Variants in LTBP1 observed in about 807,000 individuals in gnomAD.
The protein encoded by LTBP1 is latent transforming growth factor beta binding protein 1.
LTBP1 carries 129 observed loss-of-function variants against 207.6 expected under a neutral mutation model. The ratio of observed to expected loss-of-function variants is 0.62; its 90% CI spans 0.54 to 0.72. The LOEUF (loss-of-function observed/expected upper bound fraction) is 0.72, where lower values mean the gene tolerates loss of function less well. LTBP1 is among the 30% of genes least tolerant of loss of function. The pLI, the probability that LTBP1 is intolerant of heterozygous loss-of-function variation, is 0.00. For missense variants in LTBP1, 2,281 were observed against 2,217.2 expected, an observed-to-expected ratio of 1.03 and a Z score of -0.58; for synonymous variants, 963 against 833.7, an observed-to-expected ratio of 1.16 and a Z score of -2.67.
chr2:33,385,949 A>G (rs2095261960), intron 31 of LTBP1, among the ~76,000 whole-genome samples: 1 of 152,138 alleles, frequency 6.6e-6, no homozygotes, highest in Non-Finnish European at 1.5e-5. Context: ...AAAGGGCAAC[A>G]CGCTCTAGCA....
intron 5 of LTBP1, among the ~76,000 whole-genome samples, chr2:33,184,355 G>A (rs1394266321): frequency 3.3e-5 from 5 of 152,154 alleles, no homozygotes; most frequent in African/African-American, 7.2e-5. Context: ...CTCCTTCTTC[G>A]AATTTATCAC....
At position 33,320,285 on chromosome 2, in the gene LTBP1, C is replaced by T. The variant is rs553283130; in HGVS notation, c.3730+5016C>T. Among the ~76,000 whole-genome samples, 131 of 151,592 alleles carry T rather than the reference C, an allele frequency of 8.6e-4. 1 individual carries two copies. The highest frequency in any genetic ancestry group is 1.5e-3 in the Non-Finnish European group (104 of 67,982). The stretch of plus-strand genomic sequence containing the variant: ...TCAGGAAGCTGATGCACGTGAATTG[C>T]TTGAACATGGGAACTGGAAGTTGCA... On this transcript the variant is annotated intron_variant, in intron 24 of 33. Transcript: ENST00000404816.
intron 3 of LTBP1, among the ~76,000 whole-genome samples, chr2:33,034,553 T>A (rs1463109047): frequency 5.9e-5 from 9 of 152,208 alleles, no homozygotes; most frequent in African/African-American, 2.2e-4. Context: ...ATGACAGGCC[T>A]GGAAGCATAG....
intron 2 of LTBP1, among the ~76,000 whole-genome samples, chr2:32,949,884 G>GT (rs1156276312): frequency 6.6e-6 from 1 of 152,144 alleles, no homozygotes; most frequent in Non-Finnish European, 1.5e-5. Flanking sequence ...AAACAGAAGG[G>GT]TTTTGGCATA....
intron 26 of LTBP1, among the ~76,000 whole-genome samples, chr2:33,352,244 G>T (rs1198174287): frequency 6.6e-6 from 1 of 152,080 alleles, no homozygotes; most frequent in Non-Finnish European, 1.5e-5. Flanking sequence ...TGATTCTCCT[G>T]CCTCAGCCTC....
intron 3 of LTBP1, among the ~76,000 whole-genome samples, chr2:33,035,821 C>A (rs1370819819): frequency 1.3e-5 from 2 of 152,120 alleles, no homozygotes; most frequent in Non-Finnish European, 2.9e-5. Flanking sequence ...TTACAACACA[C>A]ATATTTTAAA....
Position 33,380,804 on chromosome 2 carries a change from A to G in LTBP1, c.4712-8380A>G, listed in dbSNP as rs138752219. ...ACTCTAAAGTGAACAATTTAGTGGC[A>G]TTTACTACGTTGACGATGTAATGCA... On this transcript the variant is annotated intron_variant, in intron 31 of 33. Transcript: ENST00000404816. Among the ~76,000 whole-genome samples, 245 of 152,324 alleles carry G rather than the reference A, an allele frequency of 1.6e-3. 3 individuals carry two copies. The East Asian group carries it at 0.016, about 10-fold the overall frequency.
chr2:33,181,781 A>G (rs4670252), intron 5 of LTBP1, among the ~76,000 whole-genome samples: 78,891 of 152,054 alleles, frequency 0.52, 20,698 homozygotes, highest in African/African-American at 0.54. Flanking sequence ...CAACCTTAAC[A>G]ATAACGTACT....
At chr2:33,168,332 A>C (rs568843472) in intron 5 of LTBP1, among the ~76,000 whole-genome samples, 2 of 150,658 alleles carry the variant, frequency 1.3e-5, no homozygotes, top group Admixed American at 6.7e-5. Flanking sequence ...GCAGTGAACT[A>C]TGATGATGCC....
chr2:33,047,134 G>T (rs926540077), intron 3 of LTBP1, among the ~76,000 whole-genome samples: 8 of 152,134 alleles, frequency 5.3e-5, no homozygotes, highest in African/African-American at 1.7e-4. Context: ...CTGATCTTAA[G>T]TTATTTCTTG....
intron 3 of LTBP1, among the ~76,000 whole-genome samples, chr2:33,055,874 C>G (rs1481955563): frequency 2.0e-5 from 3 of 152,058 alleles, no homozygotes; most frequent in Non-Finnish European, 4.4e-5. Flanking sequence ...TTGGAGATTT[C>G]TTTGCTTATT....
At chr2:33,096,960 T>C (rs893787626) in intron 3 of LTBP1, among the ~76,000 whole-genome samples, 1 of 152,162 alleles carries the variant, frequency 6.6e-6, no homozygotes, top group Non-Finnish European at 1.5e-5. Context: ...AGTCCTGCTC[T>C]GATAACTTGG....
chr2:33,005,735 C>T lies in LTBP1; in HGVS notation c.566-15174C>T, dbSNP rs1048489045. On this transcript the variant is annotated intron_variant, in intron 2 of 33. Coordinates refer to ENST00000404816, the MANE Select transcript of LTBP1 (RefSeq NM_206943.4). ...CCAGGTAGCTGGGCTTACAGGCGCCCGCCAACATGCCTGGCTAATTTTTGT... is the reference window on the plus strand; with the variant it reads ...CCAGGTAGCTGGGCTTACAGGCGCCTGCCAACATGCCTGGCTAATTTTTGT... Among the ~76,000 whole-genome samples, 8 of 152,044 alleles carry T rather than the reference C, an allele frequency of 5.3e-5. No homozygotes were observed. The South Asian group carries it at 6.2e-4, about 12-fold the overall frequency.
chr2:32,972,425 C>T (rs1477338919), intron 2 of LTBP1, among the ~76,000 whole-genome samples: 2 of 151,752 alleles, frequency 1.3e-5, no homozygotes, highest in Non-Finnish European at 2.9e-5. Context: ...TTGATGTGGG[C>T]AGTTAGTGCT....
At chr2:33,335,334 G>T (rs905868073) in intron 24 of LTBP1, among the ~76,000 whole-genome samples, 9 of 151,946 alleles carry the variant, frequency 5.9e-5, no homozygotes, top group Non-Finnish European at 1.2e-4. Flanking sequence ...AGGTCCCCGT[G>T]TTTTTTTCCT....
At chr2:33,131,016 C>T (rs1367411848) in intron 4 of LTBP1, among the ~76,000 whole-genome samples, 3 of 152,134 alleles carry the variant, frequency 2.0e-5, no homozygotes, top group Non-Finnish European at 2.9e-5. Flanking sequence ...AGGTGCCACT[C>T]GGGATGGTCT....
chr2:33,214,747 G>A (rs562809160), intron 7 of LTBP1, among the ~76,000 whole-genome samples: 22 of 152,154 alleles, frequency 1.4e-4, no homozygotes, highest in South Asian at 1.2e-3. Flanking sequence ...CAAGGAATGC[G>A]TGTCACGTGT....
intron 26 of LTBP1, 86 bp from the exon 27 acceptor site, chr2:33,360,511 C>A (rs1045020658): frequency 4.8e-6 from 4 of 825,176 alleles, no homozygotes; most frequent in Non-Finnish European, 8.0e-6. Flanking sequence ...GACACGGTCA[C>A]TCTTTCCCCC....
intron 24 of LTBP1, among the ~76,000 whole-genome samples, chr2:33,326,183 A>G (rs1237359291): frequency 6.6e-6 from 1 of 152,168 alleles, no homozygotes; most frequent in African/African-American, 2.4e-5. Context: ...TTGAATTTTC[A>G]TGTATAATAT....
Sources: gnomAD v4.1 joint callset for allele counts (sites outside exome capture counted in the v4.1 genomes callset) on GRCh38, gnomAD v4.1.1 for gene constraint, MANE v1.5 for transcripts, NCBI Gene and HGNC (gene_info 2026-07-23, HGNC 2026-07-21) for gene names.